Variants in KCNH1 observed in about 807,000 individuals in gnomAD.
The protein encoded by KCNH1 is potassium voltage-gated channel subfamily H member 1.
KCNH1 carries 27 observed loss-of-function variants against 69.2 expected under a neutral mutation model. That is an observed-to-expected ratio of 0.39 (90% confidence interval 0.29 to 0.54). KCNH1 has a LOEUF of 0.54. Among genes scored for constraint, KCNH1 ranks in the 20% least tolerant of loss-of-function variants. KCNH1 has a pLI of 0.68. For missense variants in KCNH1, 798 were observed against 1,261.6 expected (o/e 0.63, Z 5.57); for synonymous variants, 456 against 487.7 (o/e 0.93, Z 0.86).
At chr1:211,107,215 T>TA (rs767706200) in intron 2 of KCNH1, 39 bp downstream of exon 2, 2 of 1,610,620 alleles carry the variant, frequency 1.2e-6, no homozygotes, top group African/African-American at 1.3e-5. Context: ...AAAGATACCA[T>TA]AATAGATTGT....
At chr1:210,843,491 T>C (rs1685469699) in intron 7 of KCNH1, among the ~76,000 whole-genome samples, 1 of 152,202 alleles carries the variant, frequency 6.6e-6, no homozygotes, top group Non-Finnish European at 1.5e-5. Context: ...ACTACTCTGG[T>C]ATCAGTTATC....
chr1:210,981,164 A>G (rs1211356868), intron 6 of KCNH1, among the ~76,000 whole-genome samples: 2 of 152,154 alleles, frequency 1.3e-5, no homozygotes, highest in Non-Finnish European at 2.9e-5. Context: ...GCCCAGGCAG[A>G]CAGTGCTTTC....
chr1:210,947,087 T>C (rs540908328), intron 6 of KCNH1, among the ~76,000 whole-genome samples: 3 of 152,338 alleles, frequency 2.0e-5, no homozygotes, highest in East Asian at 1.9e-4. Context: ...GAACCTACTG[T>C]TCTTGTGCCT....
At chr1:211,077,879 A>G (rs1323668115) in intron 5 of KCNH1, among the ~76,000 whole-genome samples, 2 of 152,140 alleles carry the variant, frequency 1.3e-5, no homozygotes, top group Non-Finnish European at 2.9e-5. Flanking sequence ...ACATGCAGAG[A>G]CACATATAGG....
At chr1:210,870,620 C>T (rs957968463) in intron 7 of KCNH1, among the ~76,000 whole-genome samples, 1 of 152,122 alleles carries the variant, frequency 6.6e-6, no homozygotes, top group Non-Finnish European at 1.5e-5. Flanking sequence ...ATTTGTCATG[C>T]TTTATTAGTA....
chr1:211,121,537 T>C (rs7537388), intron 1 of KCNH1, among the ~76,000 whole-genome samples: 37,604 of 152,090 alleles, frequency 0.25, 5,361 homozygotes, highest in African/African-American at 0.38. Flanking sequence ...ACTCAAGATG[T>C]AACTCAAGAC....
chr1:210,838,605 A>G (rs1279114635), intron 7 of KCNH1, among the ~76,000 whole-genome samples: 1 of 152,190 alleles, frequency 6.6e-6, no homozygotes, highest in Non-Finnish European at 1.5e-5. Context: ...GCACAGCAAA[A>G]GAAACTATCA....
At chr1:210,857,810 TAGAA>T (rs991256035) in intron 7 of KCNH1, among the ~76,000 whole-genome samples, 1 of 152,204 alleles carries the variant, frequency 6.6e-6, no homozygotes, top group African/African-American at 2.4e-5. Flanking sequence ...AACTTGCAGT[TAGAA>T]AGAAAGGGAA....
intron 7 of KCNH1, among the ~76,000 whole-genome samples, chr1:210,883,752 A>G (rs1307623404): frequency 2.6e-5 from 4 of 152,260 alleles, no homozygotes; most frequent in African/African-American, 9.6e-5. Flanking sequence ...TGTCTTGGAC[A>G]GCCCATTTTC....
At chr1:211,005,011 T>C (rs1689251511) in intron 6 of KCNH1, among the ~76,000 whole-genome samples, 1 of 151,978 alleles carries the variant, frequency 6.6e-6, no homozygotes, top group Admixed American at 6.6e-5. Flanking sequence ...CAATACTGAT[T>C]GTAGAGGGGG....
At chr1:210,760,634 G>T (rs1683495709) in intron 10 of KCNH1, among the ~76,000 whole-genome samples, 1 of 152,166 alleles carries the variant, frequency 6.6e-6, no homozygotes, top group African/African-American at 2.4e-5. Context: ...AAAAGAAAAA[G>T]TTTTAATGGA....
rs534455669 is a variant in KCNH1 at position 210,720,956 on chromosome 1, T to C, written c.2113-36818A>G. 5.1e-4 allele frequency among the ~76,000 whole-genome samples: 78 copies of C among 152,270 alleles called. 1 individual carries two copies. Among genetic ancestry groups the C allele is most frequent in the African/African-American group, 1.8e-3 (75 of 41,556 alleles). On this transcript the variant is annotated intron_variant, in intron 10 of 10. Transcript: ENST00000271751. ...TTGATGTTGTCTCTCCCCCTGTATC[T>C]CTTTCTTTTATAACTTTAGCAACCA...
At position 210,909,720 on chromosome 1, in the gene KCNH1, T is replaced by C. The variant is rs572062900; in HGVS notation, c.1462+9920A>G. 3.9e-5 allele frequency among the ~76,000 whole-genome samples: 6 copies of C among 152,350 alleles called. No homozygotes were observed. In the South Asian group the frequency reaches 1.2e-3, roughly 32 times the overall value. On this transcript the variant is annotated intron_variant, in intron 7 of 10. Coordinates refer to ENST00000271751, the MANE Select transcript of KCNH1 (RefSeq NM_172362.3). ...GCAGCTGCACATGCAGCTTGACTGGTTTCACTGGCAGTGGAGATGACTTTC... is the reference window on the plus strand; with the variant it reads ...GCAGCTGCACATGCAGCTTGACTGGCTTCACTGGCAGTGGAGATGACTTTC...
rs547522880 is a variant in KCNH1 at position 210,999,170 on chromosome 1, G to A, written c.1032+19613C>T. The stretch of plus-strand genomic sequence containing the variant: ...ACAAGAAATAACTAAGATCAGAGCA[G>A]AACTGAAGGAAATAGAGACACAAAA... On this transcript the variant is annotated intron_variant, in intron 6 of 10. Coordinates refer to ENST00000271751, the MANE Select transcript of KCNH1 (RefSeq NM_172362.3). Among the ~76,000 whole-genome samples the A allele has an allele frequency of 4.6e-5, 7 of 152,228 alleles. No homozygotes were observed. The South Asian group carries it at 8.3e-4, about 18-fold the overall frequency.
chr1:211,020,486 A>G (rs1448563960), intron 5 of KCNH1, among the ~76,000 whole-genome samples: 1 of 113,444 alleles, frequency 8.8e-6, no homozygotes, highest in Non-Finnish European at 1.9e-5. Flanking sequence ...TAATTGAATC[A>G]GTAATAAAAA....
intron 6 of KCNH1, among the ~76,000 whole-genome samples, chr1:210,921,780 A>G (rs1166559508): frequency 2.6e-5 from 4 of 152,204 alleles, no homozygotes; most frequent in African/African-American, 4.8e-5. Flanking sequence ...AGGTGGACCC[A>G]TAGCATGAAA....
chr1:210,721,062 A>G (rs1207088578), intron 10 of KCNH1, among the ~76,000 whole-genome samples: 1 of 152,144 alleles, frequency 6.6e-6, no homozygotes, highest in Non-Finnish European at 1.5e-5. Context: ...GCTAGGACTC[A>G]GTGATCCAGA....
intron 10 of KCNH1, among the ~76,000 whole-genome samples, chr1:210,732,568 T>C (rs1474044013): frequency 2.0e-5 from 3 of 152,214 alleles, no homozygotes; most frequent in Non-Finnish European, 2.9e-5. Context: ...CATTTGATCT[T>C]CATCACAGAG....
intron 10 of KCNH1, among the ~76,000 whole-genome samples, chr1:210,713,893 A>G (rs1420335218): frequency 6.6e-6 from 1 of 152,204 alleles, no homozygotes; most frequent in East Asian, 1.9e-4. Flanking sequence ...GAGTGGAGCT[A>G]ACAGGAATTC....
Sources: gnomAD v4.1 joint callset for allele counts (sites outside exome capture counted in the v4.1 genomes callset) on GRCh38, gnomAD v4.1.1 for gene constraint, MANE v1.5 for transcripts, NCBI Gene and HGNC (gene_info 2026-07-23, HGNC 2026-07-21) for gene names.